The following PTPN14 variants were observed in gnomAD, a reference collection of about 807,000 sequenced individuals.
The protein encoded by PTPN14 is tyrosine-protein phosphatase non-receptor type 14.
Under a neutral mutation model 126.8 loss-of-function variants are expected in PTPN14, and 53 were observed. The ratio of observed to expected loss-of-function variants is 0.42; its 90% CI spans 0.34 to 0.53. PTPN14 has a LOEUF of 0.53. Ranked by LOEUF, PTPN14 falls within the 20% of genes least tolerant of loss-of-function variation. The pLI, the probability that PTPN14 is intolerant of heterozygous loss-of-function variation, is 0.08. For synonymous variants in PTPN14, 630 were observed against 599.3 expected, an observed-to-expected ratio of 1.05 and a Z score of -0.75; for missense variants, 1,257 against 1,552.9, an observed-to-expected ratio of 0.81 and a Z score of 3.20.
intron 1 of PTPN14, among the ~76,000 whole-genome samples, chr1:214,509,105 T>C (rs1340025018): frequency 6.6e-6 from 1 of 152,200 alleles, no homozygotes; most frequent in Admixed American, 6.5e-5. Flanking sequence ...CTTAAAGTCA[T>C]CAGCTGCAAT....
chr1:214,390,425 C>A (rs12078216), intron 11 of PTPN14, among the ~76,000 whole-genome samples: 1 of 152,072 alleles, frequency 6.6e-6, no homozygotes, highest in Non-Finnish European at 1.5e-5. Context: ...AATTCAAACT[C>A]TGCTGGCTAA....
chr1:214,378,081 C>G lies in PTPN14; in HGVS notation c.2566G>C (p.Ala856Pro), dbSNP rs1025998326. Residue 856 changes from alanine to proline, a missense_variant, in exon 14 of 19, where the codon GCA becomes CCA. This residue lies in a region of PTPN14 where 1,021 missense variants were observed against 1,183.3 expected (regional missense o/e 0.86). Coordinates refer to ENST00000366956, the MANE Select transcript of PTPN14 (RefSeq NM_005401.5). Reference protein sequence around the residue: ...MIRNLEKQKMAGLEAQKRPLM... With the variant: ...MIRNLEKQKMPGLEAQKRPLM... Reference sequence around the variant, plus strand: ...GGCCTCTTCTGTGCCTCCAGGCCTGCCATCTTCTGCTTCTCTAGATTCTTG... The same window carrying G: ...GGCCTCTTCTGTGCCTCCAGGCCTGGCATCTTCTGCTTCTCTAGATTCTTG... 5.6e-6 allele frequency: 9 copies of G among 1,609,972 alleles called. No homozygotes were observed. Among genetic ancestry groups the G allele is most frequent in the African/African-American group, 1.3e-5 (1 of 74,648 alleles).
In PTPN14 at chr1:214,398,819, G is replaced by A. The variant is rs537231891; in HGVS notation, c.670-818C>T. Among the ~76,000 whole-genome samples the A allele has an allele frequency of 1.8e-3, 270 of 150,964 alleles. 1 individual carries two copies. Among genetic ancestry groups the A allele is most frequent in the African/African-American group, 6.3e-3 (260 of 41,044 alleles). ...TCTCACTCTGTTGCCAGGCTGGGGTGCAGTGGCGTGATCCCGGCTAACTGC... is the reference window on the plus strand; with the variant it reads ...TCTCACTCTGTTGCCAGGCTGGGGTACAGTGGCGTGATCCCGGCTAACTGC... On this transcript the variant is annotated intron_variant, in intron 7 of 18. Transcript: ENST00000366956.
Position 214,384,664 on chromosome 1 carries a change from G to T in PTPN14, c.1191C>A (p.Leu397=). ...CCTGGATGAAACTTTGCGAGCAGTT[G>T]AGGGAGTTGACGCTGTGAACGCTAC... is the stretch of plus-strand genomic sequence containing the variant. ...SVCSVHSVNS[L]NCSQSFIQAS... is the part of the protein sequence containing the mutation. Residue 397 remains leucine (L), a synonymous_variant, in exon 13 of 19, where the codon CTC becomes CTA. Coordinates refer to ENST00000366956, the MANE Select transcript of PTPN14 (RefSeq NM_005401.5). The surrounding 1 kb of genome is among the most constrained non-coding windows in gnomAD (Gnocchi z 5.3). 1 of 1,614,112 alleles carries T rather than the reference G, an allele frequency of 6.2e-7. No individual in the cohort carries two copies. Among genetic ancestry groups the T allele is most frequent in the Non-Finnish European group, 8.5e-7 (1 of 1,180,032 alleles).
chr1:214,545,256 A>T (rs1655941804), intron 1 of PTPN14, among the ~76,000 whole-genome samples: 1 of 152,226 alleles, frequency 6.6e-6, no homozygotes, highest in Non-Finnish European at 1.5e-5. Flanking sequence ...GTAATTTATA[A>T]AGAGCAGAAG....
intron 1 of PTPN14, among the ~76,000 whole-genome samples, chr1:214,471,502 C>G (rs1355734227): frequency 6.6e-6 from 1 of 152,174 alleles, no homozygotes; most frequent in Admixed American, 6.5e-5. Context: ...TGGACAAGTT[C>G]CCTTCCTACT....
intron 1 of PTPN14, among the ~76,000 whole-genome samples, chr1:214,487,493 G>A (rs1661140739): frequency 6.6e-6 from 1 of 152,148 alleles, no homozygotes; most frequent in Admixed American, 6.6e-5. Context: ...AGGCATAGTG[G>A]CATGTGCCTG....
intron 1 of PTPN14, among the ~76,000 whole-genome samples, chr1:214,508,373 G>A (rs1350678692): frequency 1.3e-5 from 2 of 152,180 alleles, no homozygotes; most frequent in South Asian, 2.1e-4. Flanking sequence ...TCATCACCAG[G>A]AGTAGATTCC....
At chr1:214,485,243 A>G (rs994266663) in intron 1 of PTPN14, among the ~76,000 whole-genome samples, 3 of 152,128 alleles carry the variant, frequency 2.0e-5, no homozygotes, top group African/African-American at 7.2e-5. Context: ...TCGTATTTTT[A>G]TTCTGAGCAC....
intron 1 of PTPN14, among the ~76,000 whole-genome samples, chr1:214,473,748 A>G (rs1660810207): frequency 6.6e-6 from 1 of 152,218 alleles, no homozygotes; most frequent in African/African-American, 2.4e-5. Flanking sequence ...GATGGGAAAT[A>G]AAAGAATACT....
At chr1:214,378,288 C>T (rs1180318441) in intron 13 of PTPN14, among the ~76,000 whole-genome samples, 186 bp from the exon 14 acceptor site, 1 of 152,188 alleles carries the variant, frequency 6.6e-6, no homozygotes, top group Admixed American at 6.5e-5. Context: ...TCCTACAGGA[C>T]TCCTGAGCTT....
chr1:214,434,363 G>T (rs1571997857), intron 3 of PTPN14, among the ~76,000 whole-genome samples: 2 of 152,166 alleles, frequency 1.3e-5, no homozygotes, highest in African/African-American at 4.8e-5. Flanking sequence ...GTGAGAAAAG[G>T]CCCCTGGCCC....
intron 5 of PTPN14, among the ~76,000 whole-genome samples, chr1:214,408,670 A>T (rs1659226587): frequency 6.6e-6 from 1 of 152,240 alleles, no homozygotes; most frequent in Admixed American, 6.5e-5. Context: ...CGCCAGATAC[A>T]GAACTACACA....
At chr1:214,484,974 T>G (rs1213099336) in intron 1 of PTPN14, among the ~76,000 whole-genome samples, 1 of 152,240 alleles carries the variant, frequency 6.6e-6, no homozygotes, top group African/African-American at 2.4e-5. Context: ...ATGAAAAGGT[T>G]AGGCATTTTC....
intron 18 of PTPN14, among the ~76,000 whole-genome samples, chr1:214,359,023 C>T (rs551197311): frequency 2.6e-5 from 4 of 151,844 alleles, no homozygotes; most frequent in Admixed American, 1.3e-4. Flanking sequence ...GGATTACAGG[C>T]GTGAGCCACC....
At chr1:214,422,221 A>G (rs1381697284) in intron 3 of PTPN14, among the ~76,000 whole-genome samples, 1 of 152,224 alleles carries the variant, frequency 6.6e-6, no homozygotes, top group Non-Finnish European at 1.5e-5. Context: ...TTATGCAAAG[A>G]GCAAAACTAC....
intron 1 of PTPN14, among the ~76,000 whole-genome samples, chr1:214,511,080 A>G (rs6678591): frequency 0.096 from 14,538 of 151,596 alleles, 1,607 homozygotes; most frequent in East Asian, 0.26. Context: ...TTAAAACCAC[A>G]TCTCGCTGTG....
intron 1 of PTPN14, among the ~76,000 whole-genome samples, chr1:214,499,853 C>G (rs1009800720): frequency 6.6e-6 from 1 of 151,854 alleles, no homozygotes; most frequent in Non-Finnish European, 1.5e-5. Context: ...TACAGAAAGC[C>G]TCTTCACATT....
chr1:214,406,943 T>C (rs1178904621), intron 5 of PTPN14, among the ~76,000 whole-genome samples: 1 of 152,078 alleles, frequency 6.6e-6, no homozygotes, highest in Non-Finnish European at 1.5e-5. Flanking sequence ...TTATCAACCC[T>C]CCAATACCAA....
Sources: gnomAD v4.1 joint callset for allele counts (sites outside exome capture counted in the v4.1 genomes callset) on GRCh38, gnomAD v4.1.1 for gene constraint, gnomAD v4.1.1 regional missense constraint, Gnocchi (gnomAD v3.1) non-coding constraint, MANE v1.5 for transcripts, NCBI Gene and HGNC (gene_info 2026-07-23, HGNC 2026-07-21) for gene names.